The following ZHX3 variants were observed in gnomAD, a reference collection of about 807,000 sequenced individuals.
The protein encoded by ZHX3 is zinc fingers and homeoboxes protein 3.
ZHX3 carries 20 observed loss-of-function variants against 64.5 expected under a neutral mutation model. The ratio of observed to expected loss-of-function variants is 0.31; its 90% CI spans 0.22 to 0.45. The LOEUF is 0.45. ZHX3 is among the 20% of genes least tolerant of loss of function. The probability of loss-of-function intolerance (pLI) is 1.00; values close to 1 mark genes in which losing one functional copy is unlikely to be tolerated. For synonymous variants in ZHX3, 423 were observed against 461.6 expected (o/e 0.92, Z 1.07); for missense variants, 1,041 against 1,195.8 (o/e 0.87, Z 1.91).
intron 2 of ZHX3, among the ~76,000 whole-genome samples, chr20:41,255,135 G>T (rs1178572576): frequency 6.6e-6 from 1 of 151,984 alleles, no homozygotes; most frequent in Non-Finnish European, 1.5e-5. Flanking sequence ...AAGGTCAAAA[G>T]GATTTTGAAA....
At chr20:41,275,763 G>T (rs1221106437) in intron 1 of ZHX3, among the ~76,000 whole-genome samples, 1 of 152,184 alleles carries the variant, frequency 6.6e-6, no homozygotes, top group African/African-American at 2.4e-5. Flanking sequence ...CCTATCTTTA[G>T]GGCTCACACA....
chr20:41,302,877 T>C lies in ZHX3; in HGVS notation c.-245+14632A>G, dbSNP rs559076596. ...TTAAGCCACTGAAGTTTCTGCAGGG[T>C]TTATCTATTACAGTAGCTAGTGTTT... is the stretch of plus-strand genomic sequence containing the variant. On this transcript the variant is annotated intron_variant, in intron 1 of 3. Coordinates refer to ENST00000683867, the MANE Select transcript of ZHX3 (RefSeq NM_001384317.1). 5.9e-5 allele frequency among the ~76,000 whole-genome samples: 9 copies of C among 152,306 alleles called. No homozygotes were observed. The East Asian group carries it at 1.7e-3, about 29-fold the overall frequency.
intron 2 of ZHX3, among the ~76,000 whole-genome samples, chr20:41,221,372 C>A (rs1289330947): frequency 1.3e-5 from 2 of 152,098 alleles, no homozygotes; most frequent in African/African-American, 4.8e-5. Flanking sequence ...GGACTTGTAC[C>A]AAAATACAAT....
Position 41,204,608 on chromosome 20 carries a change from A to C in ZHX3, c.309T>G (p.Phe103Leu). The change falls in exon 3 of 4, where the codon TTT becomes TTG. Residue 103 changes from phenylalanine (F) to leucine (L), a missense_variant. Coordinates refer to ENST00000683867, the MANE Select transcript of ZHX3 (RefSeq NM_001384317.1). The surrounding 1 kb of genome is among the most constrained non-coding windows in gnomAD (Gnocchi z 6.6). ...TGCATACAAAGGTTGGGTCTTTATT[A>C]AAGTCTGTGTGCTCTGAGTTCATAT... ...VGHMNSEHTD[F>L]NKDPTFVCSG... is the part of the protein sequence containing the mutation. 6.2e-7 allele frequency: 1 copy of C among 1,614,250 alleles called. No homozygotes were observed. Among genetic ancestry groups the C allele is most frequent in the Non-Finnish European group, 8.5e-7 (1 of 1,180,034 alleles).
chr20:41,205,134 G>T, intron 2 of ZHX3, 68 bp from the exon 3 acceptor site: 3 of 702,430 alleles, frequency 4.3e-6, no homozygotes, highest in Non-Finnish European at 6.1e-6. Context: ...CGGATACCCA[G>T]ACACATTCCA....
intron 1 of ZHX3, among the ~76,000 whole-genome samples, chr20:41,297,208 T>C (rs2044576246): frequency 6.6e-6 from 1 of 152,222 alleles, no homozygotes; most frequent in Non-Finnish European, 1.5e-5. Context: ...AGGCAGGATC[T>C]GATAATTCTA....
chr20:41,222,341 G>A (rs915253726), intron 2 of ZHX3, among the ~76,000 whole-genome samples: 8 of 152,208 alleles, frequency 5.3e-5, no homozygotes, highest in Non-Finnish European at 8.8e-5. Context: ...AACCAAGATA[G>A]GTTTAAACCT....
chr20:41,249,803 T>A (rs1205087892), intron 2 of ZHX3, among the ~76,000 whole-genome samples: 1 of 152,060 alleles, frequency 6.6e-6, no homozygotes, highest in African/African-American at 2.4e-5. Flanking sequence ...AGGAGAAGTC[T>A]GAAAGAAAAA....
intron 1 of ZHX3, among the ~76,000 whole-genome samples, chr20:41,270,671 G>A (rs144045454): frequency 0.024 from 2,965 of 123,442 alleles, 44 homozygotes; most frequent in South Asian, 0.043. Context: ...GTGAGACTCC[G>A]TCTCAGAAAA....
intron 2 of ZHX3, among the ~76,000 whole-genome samples, chr20:41,252,750 T>C (rs2042050368): frequency 6.6e-6 from 1 of 152,190 alleles, no homozygotes; most frequent in Non-Finnish European, 1.5e-5. Flanking sequence ...CAACACAGAA[T>C]ATAGAAGGCA....
chr20:41,231,428 G>C (rs1002810180), intron 2 of ZHX3, among the ~76,000 whole-genome samples: 2 of 152,174 alleles, frequency 1.3e-5, no homozygotes, highest in African/African-American at 4.8e-5. Flanking sequence ...TCCTTCATTA[G>C]AGTTTTCTTT....
chr20:41,196,443 T>A (rs1326769469), intron 3 of ZHX3, among the ~76,000 whole-genome samples: 1 of 54,262 alleles, frequency 1.8e-5, no homozygotes, highest in African/African-American at 7.7e-5. Context: ...AATATATATA[T>A]TATATATAAT....
At position 41,219,939 on chromosome 20, in the gene ZHX3, T is replaced by A. The variant is rs1000797352; in HGVS notation, c.-150-14873A>T. Reference sequence around the variant, plus strand: ...TGAGTCCTAAAAGAAGAACAATAGCTGACCTGCCATGTACATGCAGTATGA... The same window carrying A: ...TGAGTCCTAAAAGAAGAACAATAGCAGACCTGCCATGTACATGCAGTATGA... On this transcript the variant is annotated intron_variant, in intron 2 of 3. Transcript: ENST00000683867. This position sits in a 1 kb window ranked among gnomAD's most constrained non-coding sequence, Gnocchi z 5.0. 5.9e-5 allele frequency among the ~76,000 whole-genome samples: 9 copies of A among 152,264 alleles called. No homozygotes were observed. The highest frequency in any genetic ancestry group is 1.0e-4 in the Non-Finnish European group (7 of 68,042).
rs1033237412 is a variant in ZHX3 at position 41,226,712 on chromosome 20, T to C, written c.-150-21646A>G. Among the ~76,000 whole-genome samples, 63 of 152,344 alleles carry C rather than the reference T, an allele frequency of 4.1e-4. No homozygotes were observed. The highest frequency in any genetic ancestry group is 1.3e-3 in the African/African-American group (52 of 41,588). ...CTTTCTGATAACCTCCTGGTTCCTCTATTTTCAAGTGAATTCAACAGGTCA... is the reference window on the plus strand; with the variant it reads ...CTTTCTGATAACCTCCTGGTTCCTCCATTTTCAAGTGAATTCAACAGGTCA... On this transcript the variant is annotated intron_variant, in intron 2 of 3. Coordinates refer to ENST00000683867, the MANE Select transcript of ZHX3 (RefSeq NM_001384317.1). The surrounding 1 kb of genome is among the most constrained non-coding windows in gnomAD (Gnocchi z 4.4).
chr20:41,255,552 T>C (rs1207443870), intron 2 of ZHX3, among the ~76,000 whole-genome samples: 1 of 152,164 alleles, frequency 6.6e-6, no homozygotes, highest in African/African-American at 2.4e-5. Context: ...AAGAAATAAA[T>C]ACTACTCATC....
chr20:41,203,492 C>T lies in ZHX3; in HGVS notation c.1425G>A (p.Ala475=), dbSNP rs1215633569. ...NTTSAVKVVN[A]AQSLLTACPS... is the part of the protein sequence containing the mutation. ...GGCAGGCCGTGAGGAGCGACTGGGC[C>T]GCATTGACCACCTTCACAGCTGACG... The change falls in exon 3 of 4, where the codon GCG becomes GCA. Residue 475 remains alanine, a synonymous_variant. Coordinates refer to ENST00000683867, the MANE Select transcript of ZHX3 (RefSeq NM_001384317.1). The surrounding 1 kb of genome is among the most constrained non-coding windows in gnomAD (Gnocchi z 7.1). The T allele has an allele frequency of 1.6e-5, 26 of 1,614,186 alleles. No homozygotes were observed. Among genetic ancestry groups the T allele is most frequent in the Admixed American group, 3.3e-5 (2 of 60,020 alleles).
At position 41,180,226 on chromosome 20, in the gene ZHX3, C is replaced by T. The variant is rs797005186; in HGVS notation, c.*4965G>A. 5.9e-5 allele frequency: 9 copies of T among 152,848 alleles called. No individual in the cohort carries two copies. Among genetic ancestry groups the T allele is most frequent in the East Asian group, 1.9e-4 (1 of 5,188 alleles). 9.5% of individuals were successfully genotyped at this position (152,848 alleles called of 1,614,324 possible). ...CTTCGCTCAGCTGCCAGAGCAGCCA[C>T]GAAAGCCAAATTCTCAGGGCTGTGG... On this transcript the variant is annotated 3_prime_UTR_variant, in exon 4 of 4. Transcript: ENST00000683867.
chr20:41,190,732 G>T (rs1291900188), intron 3 of ZHX3, among the ~76,000 whole-genome samples: 1 of 152,150 alleles, frequency 6.6e-6, no homozygotes. Flanking sequence ...CAGTCTAGTG[G>T]TGATCAATTC....
chr20:41,275,811 T>C (rs1409026331), intron 1 of ZHX3, among the ~76,000 whole-genome samples: 1 of 152,226 alleles, frequency 6.6e-6, no homozygotes, highest in African/African-American at 2.4e-5. Context: ...ACACGCTAAC[T>C]GAATGACTGT....
Sources: gnomAD v4.1 joint callset for allele counts (sites outside exome capture counted in the v4.1 genomes callset) on GRCh38, gnomAD v4.1.1 for gene constraint, Gnocchi (gnomAD v3.1) non-coding constraint, MANE v1.5 for transcripts, NCBI Gene and HGNC (gene_info 2026-07-23, HGNC 2026-07-21) for gene names.